DPYD: variants seen among roughly 807,000 people sequenced by gnomAD.
DPYD encodes the protein dihydropyrimidine dehydrogenase [NADP(+)].
In DPYD, 109 loss-of-function variants were observed where a neutral mutation model predicts 116.2. That is an observed-to-expected ratio of 0.94 (90% CI 0.80 to 1.10). DPYD has a LOEUF of 1.10. DPYD is among the 50% of genes least tolerant of loss of function. The pLI, the probability that DPYD is intolerant of heterozygous loss-of-function variation, is 0.00. For synonymous variants in DPYD, 440 were observed against 432.0 expected, an observed-to-expected ratio of 1.02 and a Z score of -0.23; for missense variants, 1,302 against 1,254.5, an observed-to-expected ratio of 1.04 and a Z score of -0.57.
intron 11 of DPYD, among the ~76,000 whole-genome samples, chr1:97,558,178 A>G (rs1265878967): frequency 1.3e-5 from 2 of 152,070 alleles, no homozygotes; most frequent in Admixed American, 6.6e-5. Flanking sequence ...CCCCCTTTCT[A>G]GTGAATTAAC....
At chr1:97,133,700 T>G (rs960334933) in intron 20 of DPYD, among the ~76,000 whole-genome samples, 6 of 151,978 alleles carry the variant, frequency 3.9e-5, no homozygotes, top group African/African-American at 1.4e-4. Flanking sequence ...CATTTTTTAT[T>G]TAAAATTATA....
rs150010556 is a variant in DPYD, at chr1:97,715,659, G to A, written c.483+5851C>T. ...TCCTGATCATTATCTAACCTATCTC[G>A]GTCATTTGATCATCTTACTTATAAA... On this transcript the variant is annotated intron_variant, in intron 5 of 22. Coordinates refer to ENST00000370192, the MANE Select transcript of DPYD (RefSeq NM_000110.4). Among the ~76,000 whole-genome samples, 36 of 152,016 alleles carry A rather than the reference G, an allele frequency of 2.4e-4. 1 individual carries two copies. In the East Asian group the frequency reaches 6.6e-3, roughly 28 times the overall value.
At chr1:97,613,483 T>C (rs1231925764) in intron 8 of DPYD, among the ~76,000 whole-genome samples, 1 of 151,974 alleles carries the variant, frequency 6.6e-6, no homozygotes, top group Admixed American at 6.6e-5. Flanking sequence ...ATTGGGTGGT[T>C]TCACTCACAA....
intron 8 of DPYD, among the ~76,000 whole-genome samples, chr1:97,596,017 T>G (rs192826509): frequency 1.5e-3 from 222 of 152,164 alleles, no homozygotes; most frequent in African/African-American, 5.2e-3. Flanking sequence ...CTTAAATCTA[T>G]CTTAAGAAAA....
intron 8 of DPYD, among the ~76,000 whole-genome samples, chr1:97,619,937 G>A (rs1375673511): frequency 6.6e-6 from 1 of 151,776 alleles, no homozygotes. Flanking sequence ...TGATTGCCAT[G>A]ACTGATTCTA....
At chr1:97,625,027 T>A (rs564168558) in intron 8 of DPYD, among the ~76,000 whole-genome samples, 81 of 152,126 alleles carry the variant, frequency 5.3e-4, no homozygotes, top group Non-Finnish European at 9.7e-4. Context: ...TTTTCTTTTT[T>A]TTGAGTTATA....
chr1:97,294,804 A>C (rs868281542), intron 18 of DPYD, among the ~76,000 whole-genome samples: 2 of 152,196 alleles, frequency 1.3e-5, no homozygotes, highest in African/African-American at 4.8e-5. Flanking sequence ...TTGTTCCTTG[A>C]AACGAATCCA....
chr1:97,142,645 A>C (rs1054209767), intron 20 of DPYD, among the ~76,000 whole-genome samples: 5 of 152,032 alleles, frequency 3.3e-5, no homozygotes, highest in African/African-American at 1.2e-4. Context: ...ACTTTACATA[A>C]TAATCTGTTA....
intron 19 of DPYD, among the ~76,000 whole-genome samples, chr1:97,220,065 C>T (rs1216159266): frequency 6.6e-6 from 1 of 152,076 alleles, no homozygotes; most frequent in Non-Finnish European, 1.5e-5. Context: ...TTTATCATTG[C>T]TATGGTTTGA....
At position 97,270,999 on chromosome 1, in the gene DPYD, A is replaced by C. The variant is rs78320085; in HGVS notation, c.2299+34260T>G. On this transcript the variant is annotated intron_variant, in intron 18 of 22. Transcript: ENST00000370192. The stretch of plus-strand genomic sequence containing the variant: ...TAAAAGAGAAATGCAGTAACCACAC[A>C]AAATGATAAGTCCTTTGACAGAAAC... Among the ~76,000 whole-genome samples, 1,039 of 152,356 alleles carry C rather than the reference A, an allele frequency of 6.8e-3. 6 individuals are homozygous for C. The highest frequency in any genetic ancestry group is 0.02 in the East Asian group (106 of 5,180).
chr1:97,713,191 T>C (rs961261220), intron 5 of DPYD, among the ~76,000 whole-genome samples: 1 of 152,142 alleles, frequency 6.6e-6, no homozygotes, highest in African/African-American at 2.4e-5. Context: ...TATACTACCC[T>C]ATATTATGAG....
At chr1:97,337,465 AC>A (rs1272550668) in intron 16 of DPYD, among the ~76,000 whole-genome samples, 3 of 152,056 alleles carry the variant, frequency 2.0e-5, no homozygotes, top group Non-Finnish European at 2.9e-5. Flanking sequence ...TTCTGCCCTG[AC>A]CACCACATGC....
intron 6 of DPYD, among the ~76,000 whole-genome samples, chr1:97,695,788 A>G (rs2100962361): frequency 6.6e-6 from 1 of 152,256 alleles, no homozygotes; most frequent in South Asian, 2.1e-4. Flanking sequence ...TTGAAAAAAC[A>G]AATCAGGAAG....
chr1:97,607,441 A>G (rs1312121721), intron 8 of DPYD, among the ~76,000 whole-genome samples: 1 of 151,806 alleles, frequency 6.6e-6, no homozygotes, highest in Non-Finnish European at 1.5e-5. Flanking sequence ...GACATATTTA[A>G]TGGAGTGTGG....
At chr1:97,915,963 G>A (rs942807159) in intron 1 of DPYD, among the ~76,000 whole-genome samples, 7 of 151,914 alleles carry the variant, frequency 4.6e-5, no homozygotes, top group Non-Finnish European at 5.9e-5. Context: ...TTACATTTAC[G>A]CTAATTATTA....
chr1:97,753,795 C>A (rs945760382), intron 3 of DPYD, among the ~76,000 whole-genome samples: 1 of 151,660 alleles, frequency 6.6e-6, no homozygotes, highest in African/African-American at 2.4e-5. Context: ...TTATAACTAT[C>A]AGAAATATGA....
intron 18 of DPYD, among the ~76,000 whole-genome samples, chr1:97,271,127 C>T (rs370851510): frequency 6.6e-6 from 1 of 152,140 alleles, no homozygotes; most frequent in Admixed American, 6.6e-5. Flanking sequence ...TTTCCCCAGA[C>T]AAGAGATAAG....
intron 8 of DPYD, among the ~76,000 whole-genome samples, chr1:97,626,287 C>CA (rs1338923677): frequency 6.6e-6 from 1 of 151,818 alleles, no homozygotes; most frequent in Non-Finnish European, 1.5e-5. Context: ...TCTGAAATGT[C>CA]AATGATATTA....
At chr1:97,854,782 A>C (rs1670736619) in intron 2 of DPYD, among the ~76,000 whole-genome samples, 1 of 152,190 alleles carries the variant, frequency 6.6e-6, no homozygotes, top group Non-Finnish European at 1.5e-5. Context: ...AAATACAAAC[A>C]AAAGAGGGTA....
Sources: gnomAD v4.1 joint callset for allele counts (sites outside exome capture counted in the v4.1 genomes callset) on GRCh38, gnomAD v4.1.1 for gene constraint, MANE v1.5 for transcripts, NCBI Gene and HGNC (gene_info 2026-07-23, HGNC 2026-07-21) for gene names.